Variants in IGSF11 observed in about 807,000 individuals in gnomAD.
IGSF11 encodes immunoglobulin superfamily member 11.
Under a neutral mutation model 41.0 loss-of-function variants are expected in IGSF11, and 22 were observed. The ratio of observed to expected loss-of-function variants is 0.54; its 90% CI spans 0.38 to 0.77. The LOEUF is 0.77. Among genes scored for constraint, IGSF11 ranks in the 30% least tolerant of loss-of-function variants. IGSF11 has a pLI of 0.00. For missense variants in IGSF11, 444 were observed against 530.8 expected (o/e 0.84, Z 1.61); for synonymous variants, 219 against 201.3 (o/e 1.09, Z -0.74).
intron 1 of IGSF11, among the ~76,000 whole-genome samples, chr3:119,029,055 G>T (rs1400389733): frequency 6.6e-6 from 1 of 151,414 alleles, no homozygotes; most frequent in Non-Finnish European, 1.5e-5. Context: ...GAAAAAAAAA[G>T]AAAACAACAG....
intron 1 of IGSF11, among the ~76,000 whole-genome samples, chr3:119,060,453 G>C (rs1041304340): frequency 7.0e-6 from 1 of 141,864 alleles, no homozygotes; most frequent in African/African-American, 2.6e-5. Context: ...ATCAGAACCA[G>C]TGATGGGTGT....
At chr3:118,916,720 T>C (rs1311436500) in intron 4 of IGSF11, among the ~76,000 whole-genome samples, 1 of 151,826 alleles carries the variant, frequency 6.6e-6, no homozygotes. Flanking sequence ...TCAACAAGGA[T>C]ACCCAGGAAT....
chr3:119,017,712 T>C (rs1456021386), intron 1 of IGSF11, among the ~76,000 whole-genome samples: 1 of 152,066 alleles, frequency 6.6e-6, no homozygotes, highest in Non-Finnish European at 1.5e-5. Flanking sequence ...AATTTTTTTT[T>C]CCCTTTTCTC....
At chr3:119,123,568 G>A (rs548033440) in intron 1 of IGSF11, among the ~76,000 whole-genome samples, 11 of 152,314 alleles carry the variant, frequency 7.2e-5, no homozygotes, top group African/African-American at 2.6e-4. Flanking sequence ...TGCTGTATTG[G>A]CTTCAAGTAT....
chr3:119,052,399 C>G (rs1225783873), intron 1 of IGSF11, among the ~76,000 whole-genome samples: 1 of 137,578 alleles, frequency 7.3e-6, no homozygotes, highest in Non-Finnish European at 1.5e-5. Context: ...AGAATCACAT[C>G]TGTCACAAAA....
chr3:119,043,297 G>C (rs535579995), intron 1 of IGSF11, among the ~76,000 whole-genome samples: 78 of 152,264 alleles, frequency 5.1e-4, no homozygotes, highest in African/African-American at 1.8e-3. Flanking sequence ...GCTCTCAGGC[G>C]ATAGATGACT....
intron 1 of IGSF11, among the ~76,000 whole-genome samples, chr3:119,031,215 C>T (rs2107734268): frequency 6.6e-6 from 1 of 152,246 alleles, no homozygotes; most frequent in Non-Finnish European, 1.5e-5. Context: ...CAAGATGGCG[C>T]CACTGCACTC....
In IGSF11 at chr3:118,930,181, G is replaced by A. The variant is rs746094445; in HGVS notation, c.147C>T (p.Ser49=). 8 of 1,614,050 alleles carry A rather than the reference G, an allele frequency of 5.0e-6. No homozygotes were observed. The highest frequency in any genetic ancestry group is 3.3e-5 in the Admixed American group (2 of 60,002). ...PAVLPCTFTT[S]AALINLNVIW... ...TGACATTGAGGTTAATGAGGGCAGCGCTGGTAGTGAAAGTGCAGGGCAGGA... is the reference window on the plus strand; with the variant it reads ...TGACATTGAGGTTAATGAGGGCAGCACTGGTAGTGAAAGTGCAGGGCAGGA... The change falls in exon 2 of 7, where the codon AGC becomes AGT. Residue 49 remains serine, a synonymous_variant. Transcript: ENST00000393775.
At chr3:119,042,618 C>G (rs1046049669) in intron 1 of IGSF11, among the ~76,000 whole-genome samples, 2 of 152,114 alleles carry the variant, frequency 1.3e-5, no homozygotes, top group Non-Finnish European at 2.9e-5. Flanking sequence ...CAGCAAGCCC[C>G]GTCCAAGAAA....
At chr3:118,927,959 A>G (rs1389856138) in intron 3 of IGSF11, among the ~76,000 whole-genome samples, 2 of 152,178 alleles carry the variant, frequency 1.3e-5, no homozygotes, top group Non-Finnish European at 2.9e-5. Context: ...CTGGGGAAAA[A>G]AAACCTAAAT....
chr3:118,942,883 G>A (rs1242962097), intron 1 of IGSF11, among the ~76,000 whole-genome samples: 1 of 152,146 alleles, frequency 6.6e-6, no homozygotes, highest in Non-Finnish European at 1.5e-5. Context: ...AGGTAGGAGG[G>A]GCTGCCTTTG....
intron 1 of IGSF11, among the ~76,000 whole-genome samples, chr3:118,962,142 TAATC>T (rs1437257042): frequency 6.6e-6 from 1 of 152,180 alleles, no homozygotes; most frequent in Non-Finnish European, 1.5e-5. Context: ...AGATTCTAAA[TAATC>T]AATGAAAGAA....
chr3:118,911,932 C>CA (rs1366343158), intron 4 of IGSF11, among the ~76,000 whole-genome samples: 1 of 152,130 alleles, frequency 6.6e-6, no homozygotes, highest in African/African-American at 2.4e-5. Context: ...AAGATCTACA[C>CA]AGAGTTCACA....
At position 118,909,067 on chromosome 3, in the gene IGSF11, G is replaced by C. The variant is rs758529485; in HGVS notation, c.581-3349C>G. Among the ~76,000 whole-genome samples the C allele has an allele frequency of 7.0e-4, 106 of 152,098 alleles. 1 individual carries two copies. The highest frequency in any genetic ancestry group is 1.2e-3 in the Non-Finnish European group (81 of 68,014). On this transcript the variant is annotated intron_variant, in intron 4 of 6. Coordinates refer to ENST00000393775, the MANE Select transcript of IGSF11 (RefSeq NM_001015887.3). The stretch of plus-strand genomic sequence containing the variant: ...TGGGAATTCCTTCCTGGTACTTCTA[G>C]GGGAACTGATATATTTTTCCGAATC...
At chr3:119,092,380 A>G (rs1257083765) in intron 1 of IGSF11, among the ~76,000 whole-genome samples, 1 of 152,054 alleles carries the variant, frequency 6.6e-6, no homozygotes, top group Non-Finnish European at 1.5e-5. Flanking sequence ...TCTGTTGACC[A>G]GGCTGAGTGC....
intron 1 of IGSF11, among the ~76,000 whole-genome samples, chr3:118,951,221 C>CA (rs1944549193): frequency 6.6e-6 from 1 of 152,166 alleles, no homozygotes; most frequent in African/African-American, 2.4e-5. Context: ...TTTAAATACT[C>CA]AGTCTTTTTA....
intron 1 of IGSF11, among the ~76,000 whole-genome samples, chr3:119,065,272 C>A (rs1173768173): frequency 1.3e-5 from 2 of 152,110 alleles, no homozygotes; most frequent in Admixed American, 1.3e-4. Flanking sequence ...GATAATGTCA[C>A]CTCTCACTTT....
rs1489803471 is a variant in IGSF11, at chr3:119,046,338, G to A, written c.49+58806C>T. 6.6e-5 allele frequency among the ~76,000 whole-genome samples: 10 copies of A among 152,068 alleles called. 1 individual carries two copies. The highest frequency in any genetic ancestry group is 3.9e-4 in the East Asian group (2 of 5,180). On this transcript the variant is annotated intron_variant, in intron 1 of 6. Coordinates refer to the IGSF11 transcript ENST00000354673. Reference sequence around the variant, plus strand: ...CTGAAAACCAAGGCTCGAGAACTACGTGAAGAATGCAGAAGCCTCAGGAGC... The same window carrying A: ...CTGAAAACCAAGGCTCGAGAACTACATGAAGAATGCAGAAGCCTCAGGAGC...
At chr3:118,972,899 A>C (rs1314644770) in intron 1 of IGSF11, among the ~76,000 whole-genome samples, 1 of 152,240 alleles carries the variant, frequency 6.6e-6, no homozygotes, top group Non-Finnish European at 1.5e-5. Context: ...ATAGAGTTGG[A>C]GTCAGTGACC....
Sources: allele counts gnomAD v4.1 joint callset (sites outside exome capture counted in the v4.1 genomes callset), GRCh38; gene constraint gnomAD v4.1.1; transcripts MANE v1.5; gene names NCBI Gene and HGNC (gene_info 2026-07-23, HGNC 2026-07-21).